DPP10: variants seen among roughly 807,000 people sequenced by gnomAD.
DPP10 encodes the protein dipeptidyl peptidase like 10.
In DPP10, 33 loss-of-function variants were observed where a neutral mutation model predicts 120.9. That is an observed-to-expected ratio of 0.27 (90% CI 0.21 to 0.37). DPP10 has a LOEUF of 0.37. DPP10 is among the 10% of genes least tolerant of loss of function. DPP10 has a pLI of 1.00. For missense variants in DPP10, 816 were observed against 942.8 expected (o/e 0.87, Z 1.76); for synonymous variants, 337 against 326.1 (o/e 1.03, Z -0.36).
chr2:115,771,700 G>A (rs765797382), intron 13 of DPP10, among the ~76,000 whole-genome samples: 21 of 151,900 alleles, frequency 1.4e-4, no homozygotes, highest in African/African-American at 2.9e-4. Context: ...TAAAGTTGTC[G>A]TGCCTGAAAA....
intron 1 of DPP10, among the ~76,000 whole-genome samples, chr2:114,803,886 A>G (rs1456049707): frequency 6.6e-6 from 1 of 152,220 alleles, no homozygotes; most frequent in South Asian, 2.1e-4. Flanking sequence ...ATAAGTAGCA[A>G]GGAGCCTAAT....
chr2:114,485,673 C>A (rs112925365), intron 1 of DPP10, among the ~76,000 whole-genome samples: 7 of 152,010 alleles, frequency 4.6e-5, no homozygotes, highest in South Asian at 2.1e-4. Context: ...TCTCTTCTGG[C>A]GTGTCTGGGC....
At chr2:115,155,989 A>T (rs1231803528) in intron 1 of DPP10, among the ~76,000 whole-genome samples, 2 of 152,184 alleles carry the variant, frequency 1.3e-5, no homozygotes, top group Non-Finnish European at 2.9e-5. Flanking sequence ...ATATTTAGAT[A>T]TGCAGGATAG....
At chr2:115,290,061 C>T (rs1433766624) in intron 1 of DPP10, among the ~76,000 whole-genome samples, 1 of 152,084 alleles carries the variant, frequency 6.6e-6, no homozygotes, top group African/African-American at 2.4e-5. Context: ...AAACAGACAA[C>T]CTACAGAATG....
At position 115,599,617 on chromosome 2, in the gene DPP10, G is replaced by A. The variant is rs2083200182; in HGVS notation, c.441+73645G>A. On this transcript the variant is annotated intron_variant, in intron 5 of 25. Coordinates refer to ENST00000410059, the MANE Select transcript of DPP10 (RefSeq NM_020868.6). ...TTACTAGCCTCATACGATAATTCTA[G>A]CCTCTGCACCATCCTGATTGGCATC... is the stretch of plus-strand genomic sequence containing the variant. Among the ~76,000 whole-genome samples the A allele has an allele frequency of 1.3e-5, 2 of 151,928 alleles. 1 individual carries two copies. Among genetic ancestry groups the A allele is most frequent in the South Asian group, 4.2e-4 (2 of 4,818 alleles).
chr2:115,504,892 T>A (rs2076864029), intron 4 of DPP10, among the ~76,000 whole-genome samples: 1 of 152,132 alleles, frequency 6.6e-6, no homozygotes. Flanking sequence ...ATTAAAAGTG[T>A]GAGAGGAAAT....
At chr2:114,646,634 G>A (rs527328736) in intron 1 of DPP10, among the ~76,000 whole-genome samples, 1 of 152,204 alleles carries the variant, frequency 6.6e-6, no homozygotes, top group African/African-American at 2.4e-5. Context: ...ACAAGGAGGA[G>A]ACAGCACTAA....
At chr2:115,417,465 A>G (rs1163509041) in intron 3 of DPP10, among the ~76,000 whole-genome samples, 1 of 152,322 alleles carries the variant, frequency 6.6e-6, no homozygotes, top group African/African-American at 2.4e-5. Context: ...ATTAACAATA[A>G]ATGTTATAAT....
intron 1 of DPP10, among the ~76,000 whole-genome samples, chr2:114,670,694 A>T (rs1285118231): frequency 1.3e-5 from 2 of 152,166 alleles, no homozygotes; most frequent in African/African-American, 2.4e-5. Flanking sequence ...AATAAGAAAA[A>T]TTATTTTTAT....
At chr2:115,449,003 TGTTGAATGAA>T (rs1285910005) in intron 3 of DPP10, among the ~76,000 whole-genome samples, 1 of 152,122 alleles carries the variant, frequency 6.6e-6, no homozygotes, top group African/African-American at 2.4e-5. Context: ...AATAAATATT[TGTTGAATGAA>T]TAAATGAATA....
At chr2:114,536,853 C>T (rs1355894981) in intron 1 of DPP10, among the ~76,000 whole-genome samples, 1 of 152,166 alleles carries the variant, frequency 6.6e-6, no homozygotes, top group Admixed American at 6.5e-5. Context: ...CTTGTCCCTC[C>T]AGCCCCATAC....
At chr2:115,084,739 G>A (rs951530889) in intron 1 of DPP10, among the ~76,000 whole-genome samples, 2 of 152,078 alleles carry the variant, frequency 1.3e-5, no homozygotes, top group South Asian at 2.1e-4. Context: ...CAGGCTCTCC[G>A]CCAGTTTGTG....
intron 1 of DPP10, among the ~76,000 whole-genome samples, chr2:115,033,457 A>G (rs1703989742): frequency 6.6e-6 from 1 of 152,098 alleles, no homozygotes; most frequent in Non-Finnish European, 1.5e-5. Flanking sequence ...TCAAAACTGC[A>G]GTAATACCAT....
chr2:115,599,602 C>T (rs1446999247), intron 5 of DPP10, among the ~76,000 whole-genome samples: 1 of 152,126 alleles, frequency 6.6e-6, no homozygotes, highest in Non-Finnish European at 1.5e-5. Flanking sequence ...TTACTAGCCT[C>T]ATACGATAAT....
chr2:115,459,031 A>G (rs926587848), intron 3 of DPP10, among the ~76,000 whole-genome samples: 9 of 152,104 alleles, frequency 5.9e-5, no homozygotes, highest in Non-Finnish European at 7.3e-5. Flanking sequence ...AGATGCTTAC[A>G]GTCAACAATT....
At chr2:114,724,284 G>A (rs1170062045) in intron 1 of DPP10, among the ~76,000 whole-genome samples, 1 of 152,140 alleles carries the variant, frequency 6.6e-6, no homozygotes, top group Non-Finnish European at 1.5e-5. Flanking sequence ...CCACACACTG[G>A]ACACCATAAC....
chr2:114,485,106 T>C lies in DPP10; in HGVS notation c.60+42268T>C, dbSNP rs540042010. Among the ~76,000 whole-genome samples, 22 of 152,286 alleles carry C rather than the reference T, an allele frequency of 1.4e-4. No homozygotes were observed. The South Asian group carries it at 4.6e-3, about 32-fold the overall frequency. On this transcript the variant is annotated intron_variant, in intron 1 of 25. Transcript: ENST00000410059. ...GGTTGGTAAATTTGAATGGCCTTTG[T>C]TGATATTGAGAGGCACAAGCTGGCC... is the stretch of plus-strand genomic sequence containing the variant.
At position 114,803,582 on chromosome 2, in the gene DPP10, G is replaced by A. The variant is rs540272575; in HGVS notation, c.60+360744G>A. ...CTCAGATGGAGATGAGGAATTTGCT[G>A]GGAACTGGAGCAAAAGTGACTCTTG... On this transcript the variant is annotated intron_variant, in intron 1 of 25. Transcript: ENST00000410059. Among the ~76,000 whole-genome samples the A allele has an allele frequency of 1.4e-4, 21 of 152,290 alleles. No individual in the cohort carries two copies. In the South Asian group the frequency reaches 4.4e-3, roughly 32 times the overall value.
chr2:114,881,747 A>C (rs1691664132), intron 1 of DPP10, among the ~76,000 whole-genome samples: 1 of 152,146 alleles, frequency 6.6e-6, no homozygotes, highest in South Asian at 2.1e-4. Context: ...AGAGATCATG[A>C]AACAAGTTGT....
Sources: allele counts gnomAD v4.1 joint callset (sites outside exome capture counted in the v4.1 genomes callset), GRCh38; gene constraint gnomAD v4.1.1; transcripts MANE v1.5; gene names NCBI Gene and HGNC (gene_info 2026-07-23, HGNC 2026-07-21).